Variants in OR1B1 observed in about 807,000 individuals in gnomAD.
OR1B1 encodes the protein olfactory receptor 1B1.
For missense variants in OR1B1, 414 were observed against 402.1 expected (o/e 1.03, Z -0.25); for synonymous variants, 168 against 156.2 (o/e 1.08, Z -0.57).
exon 1 of OR1B1, chr9:122,629,062 G>T: frequency 6.2e-7 from 1 of 1,613,818 alleles, no homozygotes. Context: ...CACGCAACAT[G>T]GTGTGCAGTA....
exon 1 of OR1B1, chr9:122,629,454 G>T: frequency 6.2e-7 from 1 of 1,613,324 alleles, no homozygotes; most frequent in Non-Finnish European, 8.5e-7. Context: ...AAGAAGAGGA[G>T]AGTGTAGGAG....
the OR1B1 span, among the ~76,000 whole-genome samples, chr9:122,636,642 C>T: frequency 2.0e-5 from 3 of 149,510 alleles, no homozygotes; most frequent in Admixed American, 6.6e-5. Flanking sequence ...AATAAATAAA[C>T]AAACAAACAC....
chr9:122,652,497 T>C, the OR1B1 span, among the ~76,000 whole-genome samples: 1 of 152,254 alleles, frequency 6.6e-6, no homozygotes, highest in Non-Finnish European at 1.5e-5. Context: ...TTAGTTTCAC[T>C]TAAACCACAT....
chr9:122,653,799 G>T, the OR1B1 span, among the ~76,000 whole-genome samples: 5 of 152,178 alleles, frequency 3.3e-5, no homozygotes, highest in Non-Finnish European at 7.3e-5. Flanking sequence ...TTACACTCAA[G>T]ATCCCCTCAG....
chr9:122,654,877 C>T, the OR1B1 span, among the ~76,000 whole-genome samples: 2 of 152,172 alleles, frequency 1.3e-5, no homozygotes, highest in East Asian at 1.9e-4. Context: ...AATAATATAG[C>T]ACAGAATGGT....
chr9:122,640,063 T>C, the OR1B1 span, among the ~76,000 whole-genome samples: 13 of 152,130 alleles, frequency 8.5e-5, no homozygotes, highest in Admixed American at 5.2e-4. Flanking sequence ...AGCAACTTGC[T>C]TACTATTGTA....
rs774435332 is a variant in OR1B1, at chr9:122,628,839, G to A, written c.697C>T (p.Arg233Cys). The A allele has an allele frequency of 8.7e-6, 14 of 1,613,996 alleles. No individual in the cohort carries two copies. The East Asian group carries it at 8.9e-5, about 10-fold the overall frequency. ...CGGCGACCAGCAGCTGAAGGCAAAC[G>A]TAGAATAGCGGCCCCAATTCGGACA... The change falls in exon 1 of 1, where the codon CGT becomes TGT. Residue 233 changes from arginine to cysteine, a missense_variant. Coordinates refer to ENST00000623530, the Ensembl canonical transcript of OR1B1.
chr9:122,657,442 G>C, the OR1B1 span, among the ~76,000 whole-genome samples: 490 of 152,254 alleles, frequency 3.2e-3, 6 homozygotes, highest in African/African-American at 0.011. Flanking sequence ...TGTTGTTCCT[G>C]CCTGTGTTGT....
chr9:122,632,765 A>T (rs115653094), upstream of OR1B1, among the ~76,000 whole-genome samples: 9,365 of 152,246 alleles, frequency 0.062, 339 homozygotes, highest in South Asian at 0.14. Context: ...AGTGACCCAG[A>T]TAATATGAAG....
the OR1B1 span, among the ~76,000 whole-genome samples, chr9:122,636,822 A>G: frequency 6.6e-6 from 1 of 152,226 alleles, no homozygotes; most frequent in African/African-American, 2.4e-5. Flanking sequence ...GTTTCACTCC[A>G]TATCTGCCAT....
chr9:122,654,636 T>G, the OR1B1 span, among the ~76,000 whole-genome samples: 1 of 152,238 alleles, frequency 6.6e-6, no homozygotes, highest in African/African-American at 2.4e-5. Context: ...ACTGAAACTT[T>G]GTACCCTTCA....
chr9:122,652,488 T>G, the OR1B1 span, among the ~76,000 whole-genome samples: 1 of 152,238 alleles, frequency 6.6e-6, no homozygotes, highest in Non-Finnish European at 1.5e-5. Context: ...GTTATTGATT[T>G]AGTTTCACTT....
exon 1 of OR1B1, chr9:122,628,780 G>A: frequency 6.2e-7 from 1 of 1,614,136 alleles, no homozygotes; most frequent in Non-Finnish European, 8.5e-7. Flanking sequence ...AACCAACCAT[G>A]GTGAGGTGGG....
At chr9:122,654,406 C>T in the OR1B1 span, among the ~76,000 whole-genome samples, 1 of 152,202 alleles carries the variant, frequency 6.6e-6, no homozygotes, top group Non-Finnish European at 1.5e-5. Flanking sequence ...TTCGTGGGAA[C>T]TCAGTGCTCT....
exon 1 of OR1B1, chr9:122,628,682 G>T (rs1304066984): frequency 6.2e-7 from 1 of 1,613,322 alleles, no homozygotes; most frequent in East Asian, 2.2e-5. Context: ...TGTAATGGCA[G>T]TATACATTAC....
At chr9:122,646,777 A>G in the OR1B1 span, among the ~76,000 whole-genome samples, 1 of 152,160 alleles carries the variant, frequency 6.6e-6, no homozygotes, top group Non-Finnish European at 1.5e-5. Context: ...CCCTATTTTC[A>G]GCACACCGCT....
chr9:122,642,656 G>A, the OR1B1 span, among the ~76,000 whole-genome samples: 1 of 152,108 alleles, frequency 6.6e-6, no homozygotes, highest in South Asian at 2.1e-4. Context: ...TGTTGGGGTA[G>A]AGAAGACAAA....
the OR1B1 span, among the ~76,000 whole-genome samples, chr9:122,656,157 A>G: frequency 1.3e-5 from 2 of 152,100 alleles, no homozygotes; most frequent in Non-Finnish European, 2.9e-5. Context: ...TGTTGTTGTT[A>G]TTTGATGAAG....
the OR1B1 span, among the ~76,000 whole-genome samples, chr9:122,652,720 A>G: frequency 1.3e-5 from 2 of 152,142 alleles, no homozygotes; most frequent in African/African-American, 4.8e-5. Context: ...ATCTTAAAGT[A>G]ACTGTATAAT....
Sources: allele counts gnomAD v4.1 joint callset (sites outside exome capture counted in the v4.1 genomes callset), GRCh38; gene constraint gnomAD v4.1.1; transcripts MANE v1.5; gene names NCBI Gene and HGNC (gene_info 2026-07-23, HGNC 2026-07-21).